The following NLGN1 variants were observed in gnomAD, a reference collection of about 807,000 sequenced individuals.
NLGN1 encodes neuroligin-1.
A neutral mutation model predicts 65.5 loss-of-function variants in NLGN1; 12 were observed. The ratio of observed to expected loss-of-function variants is 0.18; its 90% CI spans 0.12 to 0.30. The LOEUF (loss-of-function observed/expected upper bound fraction) is 0.30, where lower values mean the gene tolerates loss of function less well. NLGN1 is among the 10% of genes least tolerant of loss of function. The pLI is 1.00. For missense variants in NLGN1, 750 were observed against 1,007.1 expected (o/e 0.74, Z 3.46); for synonymous variants, 350 against 359.5 (o/e 0.97, Z 0.30).
intron 2 of NLGN1, among the ~76,000 whole-genome samples, chr3:173,579,914 C>T (rs1169159975): frequency 6.6e-6 from 1 of 151,636 alleles, no homozygotes; most frequent in Non-Finnish European, 1.5e-5. Flanking sequence ...TATTTTATTT[C>T]TAGCTTCAGA....
chr3:174,059,706 G>A (rs1580065144), intron 4 of NLGN1, among the ~76,000 whole-genome samples: 3 of 152,250 alleles, frequency 2.0e-5, no homozygotes, highest in South Asian at 2.1e-4. Flanking sequence ...GGCAAGCTCT[G>A]TGCAAGAAGC....
At chr3:173,690,349 T>C (rs1208192796) in intron 3 of NLGN1, among the ~76,000 whole-genome samples, 2 of 152,186 alleles carry the variant, frequency 1.3e-5, no homozygotes, top group Admixed American at 6.6e-5. Flanking sequence ...CTCTCACTTC[T>C]AGGCATTATA....
chr3:174,171,017 C>T (rs958301074), intron 4 of NLGN1, among the ~76,000 whole-genome samples: 8 of 152,046 alleles, frequency 5.3e-5, no homozygotes, highest in Admixed American at 2.6e-4. Flanking sequence ...CTCTATTAAT[C>T]GTCTTACTCA....
chr3:173,659,194 C>A (rs1031370008), intron 3 of NLGN1, among the ~76,000 whole-genome samples: 1 of 151,798 alleles, frequency 6.6e-6, no homozygotes, highest in Non-Finnish European at 1.5e-5. Flanking sequence ...GAAAATAAAA[C>A]CTAAATGTAG....
chr3:174,194,703 T>C (rs941448086), intron 4 of NLGN1, among the ~76,000 whole-genome samples: 4 of 149,676 alleles, frequency 2.7e-5, no homozygotes, highest in Non-Finnish European at 5.9e-5. Flanking sequence ...TGTATATATA[T>C]ATAGACATAG....
intron 4 of NLGN1, among the ~76,000 whole-genome samples, chr3:173,892,006 G>GA (rs1735432801): frequency 1.3e-5 from 2 of 152,224 alleles, no homozygotes; most frequent in Non-Finnish European, 2.9e-5. Context: ...GGAGTCACAG[G>GA]AAAAATAACA....
At chr3:173,423,799 C>G (rs1048606130) in intron 1 of NLGN1, among the ~76,000 whole-genome samples, 3 of 152,190 alleles carry the variant, frequency 2.0e-5, no homozygotes, top group Non-Finnish European at 2.9e-5. Flanking sequence ...ATCTCCCTTT[C>G]TGGGGTCTAG....
intron 4 of NLGN1, among the ~76,000 whole-genome samples, chr3:174,264,222 C>T (rs1422327756): frequency 6.3e-4 from 96 of 151,294 alleles, no homozygotes; most frequent in African/African-American, 2.2e-3. Flanking sequence ...TGAATCTGAA[C>T]GTTGGCCTGC....
chr3:173,489,595 T>C (rs1168775178), intron 2 of NLGN1, among the ~76,000 whole-genome samples: 1 of 152,154 alleles, frequency 6.6e-6, no homozygotes, highest in Non-Finnish European at 1.5e-5. Flanking sequence ...TTTGGGTATA[T>C]ACCCAGTAAT....
intron 3 of NLGN1, among the ~76,000 whole-genome samples, chr3:173,656,887 C>T (rs1202720934): frequency 1.3e-5 from 2 of 152,006 alleles, no homozygotes; most frequent in Admixed American, 6.6e-5. Flanking sequence ...GAAGACTTTG[C>T]ATACTACTCT....
chr3:173,639,417 G>C (rs568666437), intron 3 of NLGN1, among the ~76,000 whole-genome samples: 2 of 152,292 alleles, frequency 1.3e-5, no homozygotes, highest in Admixed American at 6.5e-5. Context: ...AACTGGGCCA[G>C]ACCTCAGCTG....
At chr3:174,081,684 GCCTCAGCCTCC>G (rs2152550838) in intron 4 of NLGN1, among the ~76,000 whole-genome samples, 1 of 146,846 alleles carries the variant, frequency 6.8e-6, no homozygotes, top group East Asian at 2.1e-4. Context: ...CGATTCTCCT[GCCTCAGCCTCC>G]CGAGTAGCTG....
chr3:173,922,125 A>C (rs1742131335), intron 4 of NLGN1, among the ~76,000 whole-genome samples: 1 of 152,114 alleles, frequency 6.6e-6, no homozygotes, highest in South Asian at 2.1e-4. Flanking sequence ...GATCCAGGCT[A>C]ATACAACTGC....
intron 3 of NLGN1, among the ~76,000 whole-genome samples, chr3:173,720,251 C>T (rs11917263): frequency 0.057 from 8,608 of 152,108 alleles, 352 homozygotes; most frequent in East Asian, 0.13. Flanking sequence ...GAGAGAGTCC[C>T]AAATTTTAAA....
chr3:174,195,935 G>A (rs1157190611), intron 4 of NLGN1, among the ~76,000 whole-genome samples: 1 of 152,130 alleles, frequency 6.6e-6, no homozygotes, highest in Admixed American at 6.5e-5. Context: ...GAGAGTAAAC[G>A]TAACTCTTAG....
chr3:173,437,687 C>T (rs1051283132), intron 2 of NLGN1, among the ~76,000 whole-genome samples: 4 of 152,108 alleles, frequency 2.6e-5, no homozygotes, highest in African/African-American at 7.2e-5. Context: ...TGCCAAGTAT[C>T]GTGCATCGTG....
At chr3:173,604,580 A>G (rs1173196057) in exon 3 of NLGN1, 1 of 1,610,806 alleles carries the variant, frequency 6.2e-7, no homozygotes, top group South Asian at 1.1e-5. Flanking sequence ...CCAGACAACT[A>G]GACAACTAAT....
intron 3 of NLGN1, among the ~76,000 whole-genome samples, chr3:173,677,361 T>C (rs1763305629): frequency 6.6e-6 from 1 of 152,060 alleles, no homozygotes; most frequent in Non-Finnish European, 1.5e-5. Flanking sequence ...AAATTTATAA[T>C]ATGTTAGCCT....
chr3:173,785,312 G>A (rs1225347055), intron 3 of NLGN1, among the ~76,000 whole-genome samples: 5 of 152,000 alleles, frequency 3.3e-5, no homozygotes, highest in Admixed American at 6.6e-5. Flanking sequence ...TTACTCTTTA[G>A]CATTTATTCC....
Sources: gnomAD v4.1 joint callset for allele counts (sites outside exome capture counted in the v4.1 genomes callset) on GRCh38, gnomAD v4.1.1 for gene constraint, MANE v1.5 for transcripts, NCBI Gene and HGNC (gene_info 2026-07-23, HGNC 2026-07-21) for gene names.